CAPN5: variants seen among roughly 807,000 people sequenced by gnomAD.
CAPN5 encodes the protein calpain-5.
A neutral mutation model predicts 73.0 loss-of-function variants in CAPN5; 54 were observed. That is an observed-to-expected ratio of 0.74 (90% confidence interval 0.59 to 0.93). The LOEUF (loss-of-function observed/expected upper bound fraction) is 0.93. Among genes scored for constraint, CAPN5 ranks in the 40% least tolerant of loss-of-function variants. CAPN5 has a pLI of 0.00. For missense variants in CAPN5, 785 were observed against 882.9 expected (o/e 0.89, Z 1.41); for synonymous variants, 335 against 356.9 (o/e 0.94, Z 0.69).
At chr11:77,088,131 G>A in intron 2 of CAPN5, 2 of 1,464,610 alleles carry the variant, frequency 1.4e-6, no homozygotes, top group Middle Eastern at 4.5e-4. Flanking sequence ...CCCACATCTG[G>A]GTATGAGCCT....
In CAPN5 at chr11:77,120,735, G is replaced by A. The variant is rs782109539; in HGVS notation, c.1313G>A (p.Arg438His). Residue 438 changes from arginine to histidine, a missense_variant, in exon 10 of 13, where the codon CGC becomes CAC. Transcript: ENST00000648180. Reference sequence around the variant, plus strand: ...CAGGTGGAGGAGAACCGCCAGTACCGCATGCACAGCCTGCAGCACAAGGCC... The same window carrying A: ...CAGGTGGAGGAGAACCGCCAGTACCACATGCACAGCCTGCAGCACAAGGCC... ...IYKVEENRQY[R>H]MHSLQHKAAS... is the part of the protein sequence containing the mutation. 5.6e-6 allele frequency: 9 copies of A among 1,611,822 alleles called. No individual in the cohort carries two copies. The highest frequency in any genetic ancestry group is 2.2e-5 in the East Asian group (1 of 44,860).
chr11:77,070,291 C>T (rs1185130072), intron 1 of CAPN5, among the ~76,000 whole-genome samples: 1 of 152,188 alleles, frequency 6.6e-6, no homozygotes, highest in Non-Finnish European at 1.5e-5. Context: ...ATCCACTGGT[C>T]CCCAGCTGCC....
At chr11:77,112,543 T>A in intron 3 of CAPN5, 46 bp from the exon 4 acceptor site, 1 of 1,455,310 alleles carries the variant, frequency 6.9e-7, no homozygotes, top group South Asian at 1.1e-5. Flanking sequence ...AAGCCGGACA[T>A]CCCCTCACTG....
chr11:77,121,193 C>T (rs896784297), intron 10 of CAPN5, among the ~76,000 whole-genome samples: 1 of 152,248 alleles, frequency 6.6e-6, no homozygotes, highest in South Asian at 2.1e-4. Context: ...GCCTGACTCC[C>T]GCACTTTACC....
chr11:77,122,145 C>T (rs916315777), intron 11 of CAPN5, 96 bp downstream of exon 11: 3 of 689,784 alleles, frequency 4.3e-6, no homozygotes, highest in South Asian at 2.0e-5. Flanking sequence ...CTCTCCTGCT[C>T]TCAGAGGCAC....
chr11:77,072,058 T>A (rs1949912452), intron 1 of CAPN5, among the ~76,000 whole-genome samples: 1 of 152,232 alleles, frequency 6.6e-6, no homozygotes, highest in Admixed American at 6.5e-5. Context: ...TCCTTTCCCG[T>A]TGACCTTCTC....
At chr11:77,109,653 A>G (rs377719413) in intron 3 of CAPN5, among the ~76,000 whole-genome samples, 6 of 152,198 alleles carry the variant, frequency 3.9e-5, no homozygotes, top group South Asian at 4.1e-4. Context: ...GAGCGCATCT[A>G]TTTAGACAGT....
At chr11:77,102,998 C>G (rs781832248) in intron 3 of CAPN5, 1 of 1,613,524 alleles carries the variant, frequency 6.2e-7, no homozygotes, top group Non-Finnish European at 8.5e-7. Context: ...AGTCTGTGTA[C>G]CGCCTCAACT....
chr11:77,097,050 G>A (rs1036620760), intron 3 of CAPN5, among the ~76,000 whole-genome samples: 6 of 152,068 alleles, frequency 3.9e-5, no homozygotes, highest in Admixed American at 1.3e-4. Context: ...GTGAAACCCC[G>A]TCTCTACTAA....
rs1428653637 is a variant in CAPN5, at chr11:77,112,447, C to T, written c.298-142C>T. ...ATGGGGAGGATTCATCCGGGTCTCA[C>T]GAAGGCTTGTGGCAGAGTTGGAATC... is the stretch of plus-strand genomic sequence containing the variant. On this transcript the variant is annotated intron_variant, in intron 3 of 12. Transcript: ENST00000648180. 5.8e-5 allele frequency: 39 copies of T among 677,716 alleles called. 1 individual carries two copies. In the Admixed American group the frequency reaches 7.9e-4, roughly 14 times the overall value. 42.0% of individuals were successfully genotyped at this position (677,716 alleles called of 1,614,324 possible). A position where few individuals can be genotyped will look rare whatever the true frequency, so the allele number is the denominator to read the frequency against.
Position 77,114,331 on chromosome 11 carries a change from T to C in CAPN5, c.596T>C (p.Leu199Pro). Residue 199 changes from leucine (L) to proline (P), a missense_variant, in exon 5 of 13, where the codon CTG becomes CCG. Physicochemically the swap from Leu to Pro is moderately conservative, Grantham distance 98 (BLOSUM62 -3). Transcript: ENST00000648180. ...GGTGGTGTTTCTGAGCCCATCGACC[T>C]GACCGAGGGTGACTTTGCCAACGAT... ...FTGGVSEPID[L>P]TEGDFANDET... The C allele has an allele frequency of 6.2e-7, 1 of 1,614,194 alleles. No individual in the cohort carries two copies. Among genetic ancestry groups the C allele is most frequent in the Non-Finnish European group, 8.5e-7 (1 of 1,180,038 alleles).
At chr11:77,090,516 T>A (rs911333650) in intron 2 of CAPN5, among the ~76,000 whole-genome samples, 9 of 152,174 alleles carry the variant, frequency 5.9e-5, no homozygotes, top group African/African-American at 2.2e-4. Flanking sequence ...GGGCATCCCA[T>A]CGGATCCGTC....
Position 77,114,382 on chromosome 11 carries a change from A to G in CAPN5, c.647A>G (p.Glu216Gly). The G allele has an allele frequency of 6.8e-6, 11 of 1,614,138 alleles. No individual in the cohort carries two copies. Among genetic ancestry groups the G allele is most frequent in the Non-Finnish European group, 9.3e-6 (11 of 1,180,028 alleles). The change falls in exon 5 of 13, where the codon GAG becomes GGG. Residue 216 changes from glutamate to glycine, a missense_variant. Transcript: ENST00000648180. ...GAGACTAAGAGGAACCAGCTCTTTG[A>G]GCGCATGTTAAAGGTGCACAGCCGG... ...NDETKRNQLF[E>G]RMLKVHSRGG...
intron 2 of CAPN5, chr11:77,088,054 G>A (rs962326752): frequency 9.8e-6 from 15 of 1,532,972 alleles, no homozygotes; most frequent in East Asian, 2.4e-5. Flanking sequence ...CTCAGGGCCC[G>A]GGACCTGGTA....
intron 2 of CAPN5, among the ~76,000 whole-genome samples, chr11:77,093,238 G>A (rs1031011937): frequency 1.3e-5 from 2 of 152,206 alleles, no homozygotes; most frequent in African/African-American, 2.4e-5. Flanking sequence ...TTTGTCCCAT[G>A]CCCGCACCCC....
At chr11:77,103,628 A>G (rs1555039390) in intron 3 of CAPN5, among the ~76,000 whole-genome samples, 1 of 152,220 alleles carries the variant, frequency 6.6e-6, no homozygotes. Flanking sequence ...GGCCAGGGCC[A>G]TCTGCCTTCT....
chr11:77,106,131 C>A (rs1044157995), intron 3 of CAPN5, among the ~76,000 whole-genome samples: 9 of 152,166 alleles, frequency 5.9e-5, no homozygotes, highest in Admixed American at 2.0e-4. Flanking sequence ...AGCCCTGCTT[C>A]AAAATCCAAC....
At chr11:77,086,924 T>C (rs1950092707) in intron 2 of CAPN5, among the ~76,000 whole-genome samples, 1 of 152,330 alleles carries the variant, frequency 6.6e-6, no homozygotes, top group Non-Finnish European at 1.5e-5. Flanking sequence ...TCTGAGCCCC[T>C]TTCCTTGTGG....
At chr11:77,079,113 T>C (rs1163417163) in intron 1 of CAPN5, among the ~76,000 whole-genome samples, 1 of 152,120 alleles carries the variant, frequency 6.6e-6, no homozygotes, top group Admixed American at 6.5e-5. Flanking sequence ...TTGATCATGG[T>C]GAATGATCCT....
Sources: allele counts gnomAD v4.1 joint callset (sites outside exome capture counted in the v4.1 genomes callset), GRCh38; gene constraint gnomAD v4.1.1; transcripts MANE v1.5; gene names NCBI Gene and HGNC (gene_info 2026-07-23, HGNC 2026-07-21).